ADGRF4: variants seen among roughly 807,000 people sequenced by gnomAD.
ADGRF4 encodes the protein G-protein coupled receptor PGR18.
Under a neutral mutation model 58.5 loss-of-function variants are expected in ADGRF4, and 63 were observed. The ratio of observed to expected loss-of-function variants is 1.08; its 90% CI spans 0.88 to 1.33. The LOEUF is 1.33. ADGRF4 is among the 40% of genes most tolerant of loss of function. The probability of loss-of-function intolerance (pLI) is 0.00; values close to 1 mark genes in which losing one functional copy is unlikely to be tolerated. For synonymous variants in ADGRF4, 313 were observed against 295.4 expected (o/e 1.06, Z -0.61); for missense variants, 931 against 843.9 (o/e 1.10, Z -1.28).
Position 47,716,822 on chromosome 6 carries a change from T to C in ADGRF4, c.1949T>C (p.Leu650Pro). The C allele has an allele frequency of 3.7e-6, 6 of 1,602,952 alleles. No homozygotes were observed. The highest frequency in any genetic ancestry group is 5.1e-6 in the Non-Finnish European group (6 of 1,175,132). ...TTGCCACAGGGTTTTTTCATCCTGCTGTTTGGAACCATTATGGATCACAAG... is the reference window on the plus strand; with the variant it reads ...TTGCCACAGGGTTTTTTCATCCTGCCGTTTGGAACCATTATGGATCACAAG... ...LNAFQGFFIL[L>P]FGTIMDHKIR... The change falls in exon 7 of 10, where the codon CTG becomes CCG. Residue 650 changes from leucine to proline, a missense_variant. Transcript: ENST00000283303.
At chr6:47,703,480 A>C (rs1771636018) in intron 1 of ADGRF4, among the ~76,000 whole-genome samples, 1 of 152,212 alleles carries the variant, frequency 6.6e-6, no homozygotes. Context: ...CATCGCTGCC[A>C]ATCAAACTGG....
At chr6:47,702,266 G>A (rs1192344956) in intron 1 of ADGRF4, among the ~76,000 whole-genome samples, 1 of 152,148 alleles carries the variant, frequency 6.6e-6, no homozygotes, top group Non-Finnish European at 1.5e-5. Context: ...GTGTTGGGGG[G>A]AGTTGGGCAG....
chr6:47,711,074 C>G (rs967876348), intron 4 of ADGRF4, among the ~76,000 whole-genome samples, 188 bp downstream of exon 4: 1 of 150,462 alleles, frequency 6.6e-6, no homozygotes, highest in African/African-American at 2.5e-5. Flanking sequence ...TCCCTCCTCT[C>G]TATATGCTCT....
At chr6:47,707,749 G>A (rs1266305006) in intron 2 of ADGRF4, among the ~76,000 whole-genome samples, 1 of 152,112 alleles carries the variant, frequency 6.6e-6, no homozygotes, top group Admixed American at 6.5e-5. Flanking sequence ...GTTCTTTATA[G>A]ACATAAGAGA....
chr6:47,703,054 T>C (rs1452721164), intron 1 of ADGRF4, among the ~76,000 whole-genome samples: 1 of 152,230 alleles, frequency 6.6e-6, no homozygotes, highest in Non-Finnish European at 1.5e-5. Flanking sequence ...TGCATGCTTG[T>C]TCTTTTCTTT....
In ADGRF4 at chr6:47,716,813, T is replaced by C; in HGVS notation, c.1940T>C (p.Phe647Ser). Residue 647 changes from phenylalanine (F) to serine (S), a missense_variant, in exon 7 of 10, where the codon TTC (phenylalanine) becomes TCC (serine). Transcript: ENST00000283303. ...FALLNAFQGFFILLFGTIMDH... is the reference protein window; with the variant it reads ...FALLNAFQGFSILLFGTIMDH... ...TGTTCAATTTTGCCACAGGGTTTTT[T>C]CATCCTGCTGTTTGGAACCATTATG... 3 of 1,603,270 alleles carry C rather than the reference T, an allele frequency of 1.9e-6. No individual in the cohort carries two copies. Among genetic ancestry groups the C allele is most frequent in the South Asian group, 2.3e-5 (2 of 88,694 alleles).
In ADGRF4 at chr6:47,715,468, G is replaced by A; in HGVS notation, c.1932+291G>A. 3 of 266,574 alleles carry A rather than the reference G, an allele frequency of 1.1e-5. No individual in the cohort carries two copies. In the South Asian group the frequency reaches 2.8e-4, roughly 25 times the overall value. The allele number at this position is 266,574 out of a possible 1,614,324, so 16.5% of individuals were successfully genotyped here. On this transcript the variant is annotated intron_variant, in intron 6 of 9. Transcript: ENST00000283303. ...TTATAGAGGACTATTCTTTGGTCAG[G>A]GATATGTGAGGCTACATGTTATGCC... is the stretch of plus-strand genomic sequence containing the variant.
At chr6:47,716,972 A>C in intron 7 of ADGRF4, 125 bp downstream of exon 7, 1 of 711,862 alleles carries the variant, frequency 1.4e-6, no homozygotes. Flanking sequence ...GGTTCAAGGA[A>C]TCAGCTGTGA....
Position 47,713,546 on chromosome 6 carries a change from C to G in ADGRF4, c.553-252C>G, listed in dbSNP as rs569986852. 5.3e-5 allele frequency among the ~76,000 whole-genome samples: 8 copies of G among 152,226 alleles called. No individual in the cohort carries two copies. In the South Asian group the frequency reaches 1.5e-3, roughly 28 times the overall value. ...TGGGAAACTTGGGTTCTACACACTGCAGTCTGGAAATGCTGCCCTGCGTGC... is the reference window on the plus strand; with the variant it reads ...TGGGAAACTTGGGTTCTACACACTGGAGTCTGGAAATGCTGCCCTGCGTGC... On this transcript the variant is annotated intron_variant, in intron 5 of 9. Transcript: ENST00000283303.
chr6:47,716,276 A>G (rs1772016354), intron 6 of ADGRF4, among the ~76,000 whole-genome samples: 1 of 152,202 alleles, frequency 6.6e-6, no homozygotes, highest in Admixed American at 6.5e-5. Flanking sequence ...ATTGATAGTG[A>G]AAAGACCCTA....
intron 5 of ADGRF4, 112 bp downstream of exon 5, chr6:47,712,720 C>A (rs564657043): frequency 4.1e-6 from 3 of 731,134 alleles, no homozygotes; most frequent in Non-Finnish European, 6.7e-6. Context: ...ATCAAAGCAA[C>A]AGCAGGCATT....
In ADGRF4 at chr6:47,713,966, C is replaced by G; in HGVS notation, c.721C>G (p.Gln241Glu). 1 of 1,605,146 alleles carries G rather than the reference C, an allele frequency of 6.2e-7. No homozygotes were observed. Among genetic ancestry groups the G allele is most frequent in the Non-Finnish European group, 8.5e-7 (1 of 1,175,874 alleles). The part of the protein sequence containing the change: ...SENIVNELFI[Q>E]TKGFHINHNT... ...GAACATTGTGAATGAACTCTTCATT[C>G]AGACAAAAGGGTTTCACATCAACCA... Residue 241 changes from glutamine (Q) to glutamate (E), a missense_variant, in exon 6 of 10, where the codon CAG (glutamine) becomes GAG (glutamate). By Grantham distance (29) the Gln-to-Glu change is conservative (BLOSUM62 2). Coordinates refer to ENST00000283303, the MANE Select transcript of ADGRF4 (RefSeq NM_153838.5).
chr6:47,718,276 G>A (rs984642578), intron 8 of ADGRF4, 113 bp from the exon 9 acceptor site: 17 of 735,000 alleles, frequency 2.3e-5, no homozygotes, highest in Admixed American at 1.8e-4. Context: ...AGCTATATCA[G>A]TGTGGGTACT....
At chr6:47,701,567 G>A (rs1771588346) in intron 1 of ADGRF4, among the ~76,000 whole-genome samples, 1 of 152,206 alleles carries the variant, frequency 6.6e-6, no homozygotes, top group Non-Finnish European at 1.5e-5. Context: ...CCTCAGGCAA[G>A]AGTTCTTTTG....
intron 1 of ADGRF4, among the ~76,000 whole-genome samples, chr6:47,699,969 G>T (rs922756642): frequency 6.6e-6 from 1 of 150,790 alleles, no homozygotes; most frequent in Non-Finnish European, 1.5e-5. Context: ...TTAACTCTTA[G>T]GTTCCTTGCC....
chr6:47,700,640 T>C (rs929793902), intron 1 of ADGRF4, among the ~76,000 whole-genome samples: 1 of 152,126 alleles, frequency 6.6e-6, no homozygotes, highest in Non-Finnish European at 1.5e-5. Flanking sequence ...TATTTCCTGC[T>C]CAATTCTTTT....
At chr6:47,716,742 A>C (rs1390590631) in intron 6 of ADGRF4, 64 bp from the exon 7 acceptor site, 1 of 1,248,982 alleles carries the variant, frequency 8.0e-7, no homozygotes, top group Non-Finnish European at 1.2e-6. Context: ...GAGCGGTATG[A>C]AAATAACAGC....
At position 47,710,798 on chromosome 6, in the gene ADGRF4, A is replaced by G. The variant is rs747062006; in HGVS notation, c.212A>G (p.His71Arg). ...AGCCAGCCCTGTGCTAAGGACTTTC[A>G]TGGAGAAATAGGATTTACATGTAAT... is the stretch of plus-strand genomic sequence containing the variant. Reference protein sequence around the residue: ...NCSQPCAKDFHGEIGFTCNQK... With the variant: ...NCSQPCAKDFRGEIGFTCNQK... Residue 71 changes from histidine to arginine, a missense_variant, in exon 4 of 10, where the codon CAT becomes CGT. His to Arg is a conservative substitution (Grantham distance 29). Coordinates refer to ENST00000283303, the MANE Select transcript of ADGRF4 (RefSeq NM_153838.5). The G allele has an allele frequency of 4.3e-6, 7 of 1,613,656 alleles. No individual in the cohort carries two copies. In the African/African-American group the frequency reaches 8.0e-5, roughly 18 times the overall value.
chr6:47,703,708 G>A (rs1259336143), intron 1 of ADGRF4, among the ~76,000 whole-genome samples: 1 of 152,068 alleles, frequency 6.6e-6, no homozygotes, highest in Non-Finnish European at 1.5e-5. Flanking sequence ...GTATTTTATG[G>A]TCACGCTTAT....
Sources: allele counts gnomAD v4.1 joint callset (sites outside exome capture counted in the v4.1 genomes callset), GRCh38; gene constraint gnomAD v4.1.1; transcripts MANE v1.5; gene names NCBI Gene and HGNC (gene_info 2026-07-23, HGNC 2026-07-21).